Variants in LAMA3 observed in about 807,000 individuals in gnomAD.
The protein encoded by LAMA3 is laminin subunit alpha 3.
A neutral mutation model predicts 402.0 loss-of-function variants in LAMA3; 281 were observed. That is an observed-to-expected ratio of 0.70 (90% CI 0.63 to 0.77). The LOEUF is 0.77. Among genes scored for constraint, LAMA3 ranks in the 30% least tolerant of loss-of-function variants. The probability of loss-of-function intolerance (pLI) is 0.00; values close to 1 mark genes in which losing one functional copy is unlikely to be tolerated. For missense variants in LAMA3, 3,840 were observed against 4,215.5 expected (o/e 0.91, Z 2.47); for synonymous variants, 1,431 against 1,558.4 (o/e 0.92, Z 1.93).
chr18:23,904,072 C>A lies in LAMA3; in HGVS notation c.6458C>A (p.Ala2153Glu). The change falls in exon 50 of 75, where the codon GCA (alanine) becomes GAA (glutamate). Residue 2153 changes from alanine (A) to glutamate (E), a missense_variant. By Grantham distance (107) the Ala-to-Glu change is moderately radical (BLOSUM62 -1). Around this residue, in one of 3 missense-constraint regions of LAMA3, gnomAD observed 891 missense variants for 857.5 expected, o/e 1.04. Coordinates refer to ENST00000313654, the MANE Select transcript of LAMA3 (RefSeq NM_198129.4). ...CACGCGCGGTCCTTACAAGAGCTGG[C>A]AAAGCAGCTGGAAGAGTGAGTGCAT... The part of the protein sequence containing the change: ...EKHARSLQEL[A>E]KQLEEIKRNA... 1 of 1,613,716 alleles carries A rather than the reference C, an allele frequency of 6.2e-7. No individual in the cohort carries two copies. The highest frequency in any genetic ancestry group is 2.2e-5 in the East Asian group (1 of 44,882).
chr18:23,775,947 A>C, intron 10 of LAMA3, 24 bp downstream of exon 10: 1 of 1,614,050 alleles, frequency 6.2e-7, no homozygotes, highest in Non-Finnish European at 8.5e-7. Context: ...GCAGAACAAG[A>C]GGCCACCCTT....
rs753521984 is a variant in LAMA3, at chr18:23,783,977, T to A, written c.1469-46T>A. 4 of 1,611,176 alleles carry A rather than the reference T, an allele frequency of 2.5e-6. No homozygotes were observed. The South Asian group carries it at 4.4e-5, about 18-fold the overall frequency. ...TAGGGGAAGGGAGAAATTAAGAAAGTGATGGAAGATGGAGACCCCTTCTGA... is the reference window on the plus strand; with the variant it reads ...TAGGGGAAGGGAGAAATTAAGAAAGAGATGGAAGATGGAGACCCCTTCTGA... On this transcript the variant is annotated intron_variant, in intron 11 of 74. Transcript: ENST00000313654.
intron 4 of LAMA3, 79 bp from the exon 5 acceptor site, chr18:23,750,839 T>G: frequency 1.1e-5 from 17 of 1,479,054 alleles, no homozygotes; most frequent in Non-Finnish European, 1.5e-5. Flanking sequence ...TTGGGGCATG[T>G]GAGTTATTTT....
intron 27 of LAMA3, among the ~76,000 whole-genome samples, chr18:23,841,997 C>T (rs898782264): frequency 3.3e-5 from 5 of 152,010 alleles, no homozygotes; most frequent in Admixed American, 6.6e-5. Context: ...ATAAGTATGG[C>T]CTTCTTGCAA....
chr18:23,798,497 C>A (rs573672143), intron 12 of LAMA3, among the ~76,000 whole-genome samples: 2 of 152,138 alleles, frequency 1.3e-5, no homozygotes, highest in Admixed American at 6.5e-5. Flanking sequence ...GCCCTGCTGA[C>A]GAGGAATGGT....
Position 23,954,422 on chromosome 18 carries a change from A to G in LAMA3, c.9857-81A>G. On this transcript the variant is annotated intron_variant, in intron 74 of 74. Transcript: ENST00000313654. ...TGTCTAAAAAAAAAAAAAAAAAAAA[A>G]ATACTATCTTTTAAAATCCAGGGAA... 3 of 1,235,698 alleles carry G rather than the reference A, an allele frequency of 2.4e-6. No homozygotes were observed. The South Asian group carries it at 4.0e-5, about 16-fold the overall frequency. 76.5% of individuals were successfully genotyped at this position (1,235,698 alleles called of 1,614,324 possible).
chr18:23,859,921 C>T (rs956723193), intron 34 of LAMA3, among the ~76,000 whole-genome samples: 11 of 152,194 alleles, frequency 7.2e-5, no homozygotes, highest in African/African-American at 2.7e-4. Context: ...CCTGAAGCTA[C>T]CCAGAGGACT....
At chr18:23,845,293 C>T (rs992265088) in intron 30 of LAMA3, among the ~76,000 whole-genome samples, 169 bp downstream of exon 30, 1 of 152,192 alleles carries the variant, frequency 6.6e-6, no homozygotes, top group Non-Finnish European at 1.5e-5. Flanking sequence ...CACCAACCCT[C>T]GCATGACAGA....
chr18:23,690,076 G>A, intron 1 of LAMA3, 99 bp downstream of exon 1: 1 of 966,696 alleles, frequency 1.0e-6, no homozygotes, highest in Non-Finnish European at 1.4e-6. Flanking sequence ...ACGCGCGCTA[G>A]TGGCTCCGGG....
At chr18:23,780,776 A>G (rs4800511) in intron 11 of LAMA3, among the ~76,000 whole-genome samples, 35,896 of 152,114 alleles carry the variant, frequency 0.24, 6,268 homozygotes, top group East Asian at 0.65. Flanking sequence ...TGGGTTGCTG[A>G]TAGCTTGGAA....
chr18:23,946,581 GT>G (rs1378018739), intron 70 of LAMA3: 4 of 386,746 alleles, frequency 1.0e-5, no homozygotes, highest in African/African-American at 8.1e-5. Flanking sequence ...AAAAACGTAG[GT>G]TTTAGGTTAT....
intron 6 of LAMA3, 86 bp from the exon 7 acceptor site, chr18:23,758,310 C>T (rs2061892754): frequency 2.2e-6 from 2 of 897,764 alleles, no homozygotes; most frequent in African/African-American, 1.6e-5. Flanking sequence ...ACCGTGATGA[C>T]TCGTGTGTCA....
intron 1 of LAMA3, among the ~76,000 whole-genome samples, chr18:23,695,352 T>A (rs2060664397): frequency 6.6e-6 from 1 of 152,228 alleles, no homozygotes. Flanking sequence ...ATTCAGTGTA[T>A]GCGTGTTATC....
chr18:23,809,046 CAGTGTGGGAA>C (rs1045228040), intron 12 of LAMA3, among the ~76,000 whole-genome samples: 57 of 152,266 alleles, frequency 3.7e-4, no homozygotes, highest in African/African-American at 1.4e-3. Context: ...TTCATTAATT[CAGTGTGGGAA>C]AGTGTAAAGA....
At chr18:23,877,940 T>A (rs2064775487) in intron 39 of LAMA3, among the ~76,000 whole-genome samples, 1 of 151,610 alleles carries the variant, frequency 6.6e-6, no homozygotes, top group South Asian at 2.1e-4. Context: ...TGAAACCCTG[T>A]CTCTACTAAA....
chr18:23,876,481 G>A (rs2064718725), intron 39 of LAMA3, 74 bp downstream of exon 39: 4 of 973,724 alleles, frequency 4.1e-6, no homozygotes, highest in African/African-American at 1.6e-5. Flanking sequence ...TATGCCCAAA[G>A]ACATCAACAT....
chr18:23,940,865 A>G (rs11875476), intron 68 of LAMA3, among the ~76,000 whole-genome samples: 146,128 of 151,604 alleles, frequency 0.96, 70,533 homozygotes, highest in East Asian at 1. Flanking sequence ...ACTCCTTGGT[A>G]GGGAGGCCCC....
At chr18:23,707,522 CAGAG>C (rs373410734) in intron 1 of LAMA3, among the ~76,000 whole-genome samples, 1 of 151,874 alleles carries the variant, frequency 6.6e-6, no homozygotes, top group Non-Finnish European at 1.5e-5. Flanking sequence ...ATGGCAGGCA[CAGAG>C]AGAGAGAGAA....
At chr18:23,865,175 G>A (rs909898235) in intron 36 of LAMA3, among the ~76,000 whole-genome samples, 5 of 152,036 alleles carry the variant, frequency 3.3e-5, no homozygotes, top group Non-Finnish European at 5.9e-5. Flanking sequence ...TTTTATCTTT[G>A]TAGAGACAGG....
Sources: gnomAD v4.1 joint callset for allele counts (sites outside exome capture counted in the v4.1 genomes callset) on GRCh38, gnomAD v4.1.1 for gene constraint, gnomAD v4.1.1 regional missense constraint, MANE v1.5 for transcripts, NCBI Gene and HGNC (gene_info 2026-07-23, HGNC 2026-07-21) for gene names.